Variants in LARGE1 observed in about 807,000 individuals in gnomAD.
The protein encoded by LARGE1 is LARGE xylosyl- and glucuronyltransferase 1.
LARGE1 carries 43 observed loss-of-function variants against 87.6 expected under a neutral mutation model. The observed-to-expected ratio is 0.49, with a 90% CI of 0.38 to 0.63. The LOEUF (loss-of-function observed/expected upper bound fraction) is 0.63. LARGE1 is among the 30% of genes least tolerant of loss of function. LARGE1 has a pLI of 0.00. For missense variants in LARGE1, 802 were observed against 1,000.2 expected (o/e 0.80, Z 2.67); for synonymous variants, 434 against 394.6 (o/e 1.10, Z -1.18).
At chr22:33,390,838 T>G in intron 7 of LARGE1, among the ~76,000 whole-genome samples, 1 of 151,928 alleles carries the variant, frequency 6.6e-6, no homozygotes, top group Middle Eastern at 3.2e-3. Flanking sequence ...GGACCACAGG[T>G]GTGCGCCACC....
At chr22:33,429,653 A>AT (rs534696279) in intron 7 of LARGE1, among the ~76,000 whole-genome samples, 377 of 152,178 alleles carry the variant, frequency 2.5e-3, no homozygotes, top group African/African-American at 8.3e-3. Flanking sequence ...TCTATGTGAC[A>AT]TTTTCTATTA....
At chr22:33,339,202 G>T (rs1569072920) in intron 9 of LARGE1, among the ~76,000 whole-genome samples, 1 of 149,996 alleles carries the variant, frequency 6.7e-6, no homozygotes, top group Non-Finnish European at 1.5e-5. Flanking sequence ...GCTGAAGAAT[G>T]ATCAGAGAAG....
rs116461095 is a variant in LARGE1 at position 33,376,114 on chromosome 22, A to G, written c.1131+5805T>C. Among the ~76,000 whole-genome samples the G allele has an allele frequency of 3.7e-3, 561 of 152,312 alleles. 5 individuals are homozygous for G. The highest frequency in any genetic ancestry group is 0.013 in the African/African-American group (543 of 41,564). On this transcript the variant is annotated intron_variant, in intron 9 of 14. Transcript: ENST00000397394. Reference sequence around the variant, plus strand: ...ATTTTAATAAAAATTGGCCATTTCCAAGAAACACTCACTGCATGCCCATCA... The same window carrying G: ...ATTTTAATAAAAATTGGCCATTTCCGAGAAACACTCACTGCATGCCCATCA...
intron 11 of LARGE1, among the ~76,000 whole-genome samples, chr22:33,223,994 G>A (rs1371097743): frequency 4.6e-5 from 7 of 152,166 alleles, no homozygotes; most frequent in Admixed American, 3.3e-4. Context: ...ACAGTGAGGG[G>A]CACATAGAAA....
chr22:33,911,950 A>G (rs2065650592), intron 1 of LARGE1, among the ~76,000 whole-genome samples: 1 of 152,222 alleles, frequency 6.6e-6, no homozygotes, highest in African/African-American at 2.4e-5. Context: ...CCTCCACCCC[A>G]GTAATGAAAA....
At chr22:33,582,488 T>C (rs2078550283) in intron 5 of LARGE1, among the ~76,000 whole-genome samples, 2 of 151,998 alleles carry the variant, frequency 1.3e-5, no homozygotes, top group South Asian at 4.2e-4. Context: ...TATAAGAGAA[T>C]TGAATGAGAC....
chr22:33,804,814 C>CT (rs2086260139), intron 1 of LARGE1, among the ~76,000 whole-genome samples: 1 of 152,192 alleles, frequency 6.6e-6, no homozygotes, highest in Admixed American at 6.5e-5. Context: ...CTCCTCTTCT[C>CT]TACCATCATG....
intron 12 of LARGE1, among the ~76,000 whole-genome samples, chr22:33,303,809 G>GGT (rs147686452): frequency 0.021 from 1,890 of 88,934 alleles, 23 homozygotes; most frequent in South Asian, 0.061. Context: ...ATTTTTAGTA[G>GGT]GGGGGGGGTT....
At chr22:33,823,362 A>T (rs1429323388) in intron 1 of LARGE1, among the ~76,000 whole-genome samples, 1 of 152,222 alleles carries the variant, frequency 6.6e-6, no homozygotes, top group African/African-American at 2.4e-5. Context: ...CAAGGACAGA[A>T]GCCTTATGTT....
chr22:33,771,407 G>T (rs1164781069), intron 1 of LARGE1, among the ~76,000 whole-genome samples: 1 of 152,106 alleles, frequency 6.6e-6, no homozygotes, highest in Non-Finnish European at 1.5e-5. Flanking sequence ...ATATGTTTCA[G>T]TTAATCATTT....
At chr22:33,725,783 ATAAAT>A (rs1360781253) in intron 2 of LARGE1, 1 of 152,226 alleles carries the variant, frequency 6.6e-6, no homozygotes, top group African/African-American at 2.4e-5. Context: ...CACTTTTCAG[ATAAAT>A]TAAATAACTG....
At chr22:33,102,093 T>C in the LARGE1 span, among the ~76,000 whole-genome samples, 1 of 152,048 alleles carries the variant, frequency 6.6e-6, no homozygotes. Flanking sequence ...CCCATCCCCT[T>C]GCCCATAAAC....
chr22:33,647,086 T>G (rs1309314338), intron 3 of LARGE1, among the ~76,000 whole-genome samples: 1 of 152,248 alleles, frequency 6.6e-6, no homozygotes, highest in Non-Finnish European at 1.5e-5. Flanking sequence ...ATATATTCTT[T>G]TGTTAAATAT....
chr22:33,145,682 C>G, the LARGE1 span, among the ~76,000 whole-genome samples: 2 of 152,208 alleles, frequency 1.3e-5, no homozygotes, highest in African/African-American at 4.8e-5. Context: ...GAACTAACAG[C>G]ATGGGCCTTT....
intron 11 of LARGE1, among the ~76,000 whole-genome samples, chr22:33,185,706 T>C (rs529958636): frequency 3.2e-4 from 48 of 152,284 alleles, no homozygotes; most frequent in African/African-American, 1.1e-3. Context: ...TGTGAATCTA[T>C]AACTGTTCTA....
intron 5 of LARGE1, chr22:33,572,306 T>C (rs2078230215): frequency 1.4e-6 from 1 of 702,420 alleles, no homozygotes; most frequent in Non-Finnish European, 2.0e-6. Flanking sequence ...AGAGTATAAT[T>C]GTTAAGAAAC....
the LARGE1 span, among the ~76,000 whole-genome samples, chr22:33,104,891 C>CT: frequency 2.2e-5 from 1 of 45,848 alleles, no homozygotes; most frequent in Admixed American, 2.1e-4. Flanking sequence ...CTTTCTCTCT[C>CT]TTTCTTTCTT....
At chr22:33,169,973 C>A (rs1037861945) in intron 11 of LARGE1, among the ~76,000 whole-genome samples, 3 of 152,220 alleles carry the variant, frequency 2.0e-5, no homozygotes, top group African/African-American at 7.2e-5. Context: ...TTGCTATGGT[C>A]CAAATATTTG....
At chr22:33,224,496 C>T (rs1925631335) in intron 11 of LARGE1, among the ~76,000 whole-genome samples, 1 of 152,148 alleles carries the variant, frequency 6.6e-6, no homozygotes, top group Admixed American at 6.5e-5. Flanking sequence ...AAAACCTAAC[C>T]TAAGGAGAAG....
Sources: allele counts gnomAD v4.1 joint callset (sites outside exome capture counted in the v4.1 genomes callset), GRCh38; gene constraint gnomAD v4.1.1; transcripts MANE v1.5; gene names NCBI Gene and HGNC (gene_info 2026-07-23, HGNC 2026-07-21).